The following XPR1 variants were observed in gnomAD, a reference collection of about 807,000 sequenced individuals.
XPR1 encodes solute carrier family 53 member 1.
In XPR1, 28 loss-of-function variants were observed where a neutral mutation model predicts 87.5. That is an observed-to-expected ratio of 0.32 (90% confidence interval 0.24 to 0.44). The LOEUF is 0.44. Ranked by LOEUF, XPR1 falls within the 20% of genes least tolerant of loss-of-function variation. The pLI is 1.00. For missense variants in XPR1, 559 were observed against 862.3 expected (o/e 0.65, Z 4.41); for synonymous variants, 300 against 306.1 (o/e 0.98, Z 0.21).
At chr1:180,804,068 C>T (rs1220130077) in intron 4 of XPR1, among the ~76,000 whole-genome samples, 1 of 152,044 alleles carries the variant, frequency 6.6e-6, no homozygotes, top group Non-Finnish European at 1.5e-5. Flanking sequence ...TCACTGCAAC[C>T]TCCGCCTCCT....
chr1:180,638,279 A>G (rs1654853143), intron 1 of XPR1, among the ~76,000 whole-genome samples: 1 of 152,234 alleles, frequency 6.6e-6, no homozygotes, highest in Non-Finnish European at 1.5e-5. Flanking sequence ...ACAGATGGGT[A>G]TAATTAATAA....
At chr1:180,800,458 C>CA (rs1384448425) in intron 3 of XPR1, among the ~76,000 whole-genome samples, 5 of 152,162 alleles carry the variant, frequency 3.3e-5, no homozygotes, top group East Asian at 1.9e-4. Context: ...CTTAAAACTA[C>CA]AAAAAACTGA....
At chr1:180,731,609 A>G (rs1658558462) in intron 2 of XPR1, among the ~76,000 whole-genome samples, 1 of 152,242 alleles carries the variant, frequency 6.6e-6, no homozygotes, top group African/African-American at 2.4e-5. Context: ...CCAAAAGAAC[A>G]GTCTGTGGGA....
chr1:180,707,355 T>C (rs1293429656), intron 2 of XPR1, among the ~76,000 whole-genome samples: 4 of 152,220 alleles, frequency 2.6e-5, no homozygotes, highest in African/African-American at 9.6e-5. Context: ...CACCCTCCGA[T>C]AGGCTAGTGT....
At chr1:180,759,947 A>C (rs565113184) in intron 2 of XPR1, among the ~76,000 whole-genome samples, 32 of 152,348 alleles carry the variant, frequency 2.1e-4, no homozygotes, top group African/African-American at 7.5e-4. Context: ...CTGGGATGCA[A>C]GGCTGTTCAA....
chr1:180,632,126 G>C lies in XPR1; in HGVS notation c.-76G>C. On this transcript the variant is annotated 5_prime_UTR_variant, in exon 1 of 15. Coordinates refer to ENST00000367590, the MANE Select transcript of XPR1 (RefSeq NM_004736.4). ...CCGCGCCGCGCCGGGGCCCATGTGGGGAGGAGTCGGAGTCGCTGTTGCCGC... is the reference window on the plus strand; with the variant it reads ...CCGCGCCGCGCCGGGGCCCATGTGGCGAGGAGTCGGAGTCGCTGTTGCCGC... 6.5e-7 allele frequency: 1 copy of C among 1,528,404 alleles called. No homozygotes were observed. The highest frequency in any genetic ancestry group is 8.9e-7 in the Non-Finnish European group (1 of 1,124,678). 94.7% of individuals were successfully genotyped at this position (1,528,404 alleles called of 1,614,324 possible).
intron 2 of XPR1, among the ~76,000 whole-genome samples, chr1:180,766,416 C>A (rs1648288546): frequency 6.6e-6 from 1 of 152,044 alleles, no homozygotes; most frequent in South Asian, 2.1e-4. Flanking sequence ...AATAAACATG[C>A]AGTAGACATT....
intron 11 of XPR1, among the ~76,000 whole-genome samples, chr1:180,854,475 G>A (rs769492570): frequency 6.6e-6 from 1 of 152,114 alleles, no homozygotes; most frequent in African/African-American, 2.4e-5. Context: ...AGTGAAATTC[G>A]GCTCTTTGTG....
intron 2 of XPR1, among the ~76,000 whole-genome samples, chr1:180,702,357 C>G (rs576305192): frequency 3.5e-5 from 5 of 143,572 alleles, no homozygotes; most frequent in Non-Finnish European, 7.6e-5. Context: ...TTACTTCCAA[C>G]TATGTGGTCA....
At chr1:180,710,917 G>T (rs892961119) in intron 2 of XPR1, among the ~76,000 whole-genome samples, 3 of 145,444 alleles carry the variant, frequency 2.1e-5, no homozygotes, top group African/African-American at 7.6e-5. Flanking sequence ...GGGCGGAGAC[G>T]CTCCTCACTT....
At chr1:180,765,480 T>G (rs1648247888) in intron 2 of XPR1, among the ~76,000 whole-genome samples, 1 of 152,226 alleles carries the variant, frequency 6.6e-6, no homozygotes, top group South Asian at 2.1e-4. Flanking sequence ...TAGGTCAAGT[T>G]CCATCTACAA....
At chr1:180,840,630 A>G (rs753970036) in intron 11 of XPR1, among the ~76,000 whole-genome samples, 2 of 150,590 alleles carry the variant, frequency 1.3e-5, no homozygotes, top group African/African-American at 4.9e-5. Context: ...AAGTTTTTTA[A>G]AAACCAGAAA....
At chr1:180,840,480 T>C (rs1651465468) in intron 11 of XPR1, among the ~76,000 whole-genome samples, 1 of 150,500 alleles carries the variant, frequency 6.6e-6, no homozygotes. Context: ...CATACCCTAA[T>C]TGGGAAATCA....
At chr1:180,844,180 C>T (rs1438936807) in intron 11 of XPR1, among the ~76,000 whole-genome samples, 1 of 152,152 alleles carries the variant, frequency 6.6e-6, no homozygotes, top group African/African-American at 2.4e-5. Context: ...CATTGCACTC[C>T]AGCCTGGGCG....
intron 2 of XPR1, among the ~76,000 whole-genome samples, chr1:180,690,499 A>G (rs10914067): frequency 0.033 from 5,097 of 152,176 alleles, 186 homozygotes; most frequent in African/African-American, 0.092. Context: ...TACAATTCCT[A>G]AATAATCTGG....
chr1:180,835,397 A>G (rs1571881650), intron 10 of XPR1, among the ~76,000 whole-genome samples: 1 of 152,240 alleles, frequency 6.6e-6, no homozygotes, highest in South Asian at 2.1e-4. Flanking sequence ...GTGATCAGAA[A>G]TACTAATTAT....
intron 1 of XPR1, among the ~76,000 whole-genome samples, chr1:180,653,994 G>T (rs776436184): frequency 6.6e-6 from 1 of 152,046 alleles, no homozygotes; most frequent in South Asian, 2.1e-4. Flanking sequence ...GCGAAACCTC[G>T]GATAAGGGGG....
intron 2 of XPR1, among the ~76,000 whole-genome samples, chr1:180,725,872 CTT>C (rs1269151769): frequency 6.6e-6 from 1 of 152,220 alleles, no homozygotes; most frequent in Non-Finnish European, 1.5e-5. Context: ...GTTTTGTACT[CTT>C]TGAACCTTAG....
At chr1:180,794,483 T>C (rs1649500200) in intron 3 of XPR1, among the ~76,000 whole-genome samples, 1 of 152,186 alleles carries the variant, frequency 6.6e-6, no homozygotes, top group Admixed American at 6.5e-5. Flanking sequence ...ATACACCTGT[T>C]GTGTGTATTT....
Sources: allele counts gnomAD v4.1 joint callset (sites outside exome capture counted in the v4.1 genomes callset), GRCh38; gene constraint gnomAD v4.1.1; transcripts MANE v1.5; gene names NCBI Gene and HGNC (gene_info 2026-07-23, HGNC 2026-07-21).